Variants in HCN1 observed in about 807,000 individuals in gnomAD.
HCN1 encodes hyperpolarization activated cyclic nucleotide gated potassium channel 1.
HCN1 carries 13 observed loss-of-function variants against 78.9 expected under a neutral mutation model. The ratio of observed to expected loss-of-function variants is 0.16; its 90% confidence interval spans 0.11 to 0.26. The LOEUF (loss-of-function observed/expected upper bound fraction) is 0.26, where lower values mean the gene tolerates loss of function less well. HCN1 is among the 10% of genes least tolerant of loss of function. The pLI is 1.00. For synonymous variants in HCN1, 552 were observed against 455.5 expected, an observed-to-expected ratio of 1.21 and a Z score of -2.70; for missense variants, 810 against 1,154.3, an observed-to-expected ratio of 0.70 and a Z score of 4.32.
intron 3 of HCN1, among the ~76,000 whole-genome samples, chr5:45,406,579 C>G (rs1739928689): frequency 6.6e-6 from 1 of 152,154 alleles, no homozygotes; most frequent in Non-Finnish European, 1.5e-5. Flanking sequence ...TATAAACTCT[C>G]TTCATTCCAA....
At chr5:45,424,235 T>G (rs1318531716) in intron 3 of HCN1, among the ~76,000 whole-genome samples, 1 of 151,870 alleles carries the variant, frequency 6.6e-6, no homozygotes, top group Admixed American at 6.6e-5. Context: ...GGAGCTTGCC[T>G]TGGGCAGAGA....
intron 5 of HCN1, among the ~76,000 whole-genome samples, chr5:45,340,661 A>C (rs1348675724): frequency 6.6e-6 from 1 of 151,966 alleles, no homozygotes; most frequent in East Asian, 1.9e-4. Context: ...TTTTTTTTTA[A>C]ACAACTGATA....
chr5:45,650,690 T>A (rs1167803196), intron 1 of HCN1, among the ~76,000 whole-genome samples: 2 of 152,030 alleles, frequency 1.3e-5, no homozygotes, highest in African/African-American at 4.8e-5. Flanking sequence ...GTAGAGTGTA[T>A]CTTCTCCCTA....
At chr5:45,473,649 A>G (rs1010735882) in intron 2 of HCN1, among the ~76,000 whole-genome samples, 2 of 150,114 alleles carry the variant, frequency 1.3e-5, no homozygotes, top group Non-Finnish European at 3.0e-5. Flanking sequence ...CTAGGACTCT[A>G]TGTCTGTTTT....
intron 2 of HCN1, among the ~76,000 whole-genome samples, chr5:45,467,986 C>T (rs1179819383): frequency 6.6e-6 from 1 of 152,022 alleles, no homozygotes; most frequent in East Asian, 1.9e-4. Flanking sequence ...CAGGGTAAAA[C>T]AAATTTCTTC....
At chr5:45,480,759 G>T (rs970674248) in intron 2 of HCN1, among the ~76,000 whole-genome samples, 1 of 152,110 alleles carries the variant, frequency 6.6e-6, no homozygotes, top group African/African-American at 2.4e-5. Flanking sequence ...CATTTTTCCA[G>T]AGTCAGTAGA....
chr5:45,516,296 C>G (rs1016249481), intron 2 of HCN1, among the ~76,000 whole-genome samples: 1 of 151,878 alleles, frequency 6.6e-6, no homozygotes, highest in East Asian at 1.9e-4. Flanking sequence ...TACTAGAGTA[C>G]TTGTATTCTG....
At chr5:45,674,957 C>T (rs1746236762) in intron 1 of HCN1, among the ~76,000 whole-genome samples, 1 of 151,614 alleles carries the variant, frequency 6.6e-6, no homozygotes, top group African/African-American at 2.4e-5. Context: ...ATAAGATATG[C>T]ATGCATATAT....
chr5:45,393,316 T>C (rs1425875496), intron 4 of HCN1, among the ~76,000 whole-genome samples: 1 of 152,152 alleles, frequency 6.6e-6, no homozygotes, highest in African/African-American at 2.4e-5. Context: ...ACTATAGTTA[T>C]TTGATTGGAG....
intron 2 of HCN1, among the ~76,000 whole-genome samples, chr5:45,525,662 AT>A (rs1334311642): frequency 1.3e-5 from 2 of 152,024 alleles, no homozygotes; most frequent in African/African-American, 2.4e-5. Context: ...CATTCTGCAA[AT>A]GAGAAATAGG....
intron 2 of HCN1, among the ~76,000 whole-genome samples, chr5:45,594,500 G>A (rs1046896962): frequency 5.9e-5 from 9 of 152,100 alleles, no homozygotes; most frequent in Middle Eastern, 6.3e-3. Context: ...CAAATGAAAA[G>A]TAAAATCATT....
chr5:45,409,527 A>C (rs1201971858), intron 3 of HCN1, among the ~76,000 whole-genome samples: 7 of 152,156 alleles, frequency 4.6e-5, no homozygotes, highest in South Asian at 2.1e-4. Flanking sequence ...TACAGATTCT[A>C]AAATTCCATC....
chr5:45,386,696 T>C (rs1747915119), intron 4 of HCN1, among the ~76,000 whole-genome samples: 1 of 152,158 alleles, frequency 6.6e-6, no homozygotes, highest in South Asian at 2.1e-4. Context: ...AAATAAAATT[T>C]AAAAATCTTC....
At chr5:45,327,617 G>T (rs1746260902) in intron 5 of HCN1, among the ~76,000 whole-genome samples, 1 of 151,538 alleles carries the variant, frequency 6.6e-6, no homozygotes, top group South Asian at 2.1e-4. Flanking sequence ...GTTGAGTTGT[G>T]TCTCCCAAAA....
At chr5:45,381,520 C>T (rs1747806380) in intron 4 of HCN1, among the ~76,000 whole-genome samples, 1 of 152,106 alleles carries the variant, frequency 6.6e-6, no homozygotes, top group Admixed American at 6.6e-5. Flanking sequence ...TGATTCTTTC[C>T]CATATGACAA....
In HCN1 at chr5:45,437,528, A is replaced by T. The variant is rs922929908; in HGVS notation, c.1011+24318T>A. On this transcript the variant is annotated intron_variant, in intron 3 of 7. Coordinates refer to ENST00000303230, the MANE Select transcript of HCN1 (RefSeq NM_021072.4). The stretch of plus-strand genomic sequence containing the variant: ...CCTTTTTCTAGTCTCATCCATTCAC[A>T]TTCATGGTATGCACACAACAAATTT... Among the ~76,000 whole-genome samples the T allele has an allele frequency of 2.0e-5, 3 of 152,172 alleles. No homozygotes were observed. In the East Asian group the frequency reaches 5.8e-4, roughly 29 times the overall value.
chr5:45,313,129 C>T (rs1745893036), intron 5 of HCN1, among the ~76,000 whole-genome samples: 2 of 152,164 alleles, frequency 1.3e-5, no homozygotes, highest in South Asian at 2.1e-4. Context: ...TAGGGGCAGA[C>T]TGACACCTCA....
At chr5:45,320,084 G>C (rs1350789803) in intron 5 of HCN1, among the ~76,000 whole-genome samples, 1 of 151,710 alleles carries the variant, frequency 6.6e-6, no homozygotes, top group Non-Finnish European at 1.5e-5. Context: ...TAGAGCTGCT[G>C]TTACATTGCT....
intron 2 of HCN1, among the ~76,000 whole-genome samples, chr5:45,509,552 G>A (rs1358551358): frequency 6.6e-6 from 1 of 151,960 alleles, no homozygotes; most frequent in Non-Finnish European, 1.5e-5. Context: ...CATCTCAGTG[G>A]GCCATGTGTG....
Sources: allele counts gnomAD v4.1 joint callset (sites outside exome capture counted in the v4.1 genomes callset), GRCh38; gene constraint gnomAD v4.1.1; transcripts MANE v1.5; gene names NCBI Gene and HGNC (gene_info 2026-07-23, HGNC 2026-07-21).